The following LOC128706665 variants were observed in gnomAD, a reference collection of about 807,000 sequenced individuals.
the LOC128706665 span, among the ~76,000 whole-genome samples, chr20:10,424,838 G>T: frequency 6.6e-6 from 1 of 151,962 alleles, no homozygotes; most frequent in African/African-American, 2.4e-5. Flanking sequence ...GATCACCTGA[G>T]GTCAGGAGTT....
At chr20:10,425,959 G>T in the LOC128706665 span, among the ~76,000 whole-genome samples, 1 of 152,216 alleles carries the variant, frequency 6.6e-6, no homozygotes, top group Admixed American at 6.5e-5. Flanking sequence ...AAGTAAAATA[G>T]AGTTGATATT....
chr20:10,418,349 T>C, the LOC128706665 span, among the ~76,000 whole-genome samples: 23 of 152,196 alleles, frequency 1.5e-4, no homozygotes, highest in Non-Finnish European at 2.5e-4. Context: ...AGCCAGTTGA[T>C]GGATACTTGA....
the LOC128706665 span, among the ~76,000 whole-genome samples, chr20:10,426,345 C>T: frequency 6.6e-6 from 1 of 152,186 alleles, no homozygotes; most frequent in Non-Finnish European, 1.5e-5. Context: ...ATTTGGAGGG[C>T]GTGAGGCACA....
the LOC128706665 span, among the ~76,000 whole-genome samples, chr20:10,433,596 T>C: frequency 6.6e-6 from 1 of 152,078 alleles, no homozygotes; most frequent in Non-Finnish European, 1.5e-5. Context: ...CCTTAGAGGG[T>C]CATCCCTACA....
chr20:10,428,124 A>G, the LOC128706665 span, among the ~76,000 whole-genome samples: 1 of 152,252 alleles, frequency 6.6e-6, no homozygotes, highest in East Asian at 1.9e-4. Context: ...TAAGCAAGTG[A>G]TTAACAACTA....
At chr20:10,422,432 C>A in the LOC128706665 span, among the ~76,000 whole-genome samples, 1 of 151,882 alleles carries the variant, frequency 6.6e-6, no homozygotes, top group Non-Finnish European at 1.5e-5. Context: ...ATTGTGAAGT[C>A]CAAAGGCAAA....
chr20:10,413,717 C>A, the LOC128706665 span: 1 of 619,528 alleles, frequency 1.6e-6, no homozygotes, highest in South Asian at 2.0e-5. Context: ...ATTAGTAATT[C>A]CAAATATTTA....
At chr20:10,428,055 A>G in the LOC128706665 span, among the ~76,000 whole-genome samples, 1 of 152,246 alleles carries the variant, frequency 6.6e-6, no homozygotes, top group Admixed American at 6.5e-5. Context: ...TAAAAAATAT[A>G]CTGAAAGCAT....
chr20:10,426,599 A>G, the LOC128706665 span, among the ~76,000 whole-genome samples: 1 of 152,148 alleles, frequency 6.6e-6, no homozygotes, highest in African/African-American at 2.4e-5. Flanking sequence ...GGGTTTCACC[A>G]TGTTGCCCAG....
At chr20:10,425,354 A>T in the LOC128706665 span, among the ~76,000 whole-genome samples, 1 of 152,250 alleles carries the variant, frequency 6.6e-6, no homozygotes, top group Non-Finnish European at 1.5e-5. Context: ...GCTTTATTGC[A>T]AAATATGCTA....
chr20:10,432,147 T>C, the LOC128706665 span, among the ~76,000 whole-genome samples: 9 of 152,272 alleles, frequency 5.9e-5, no homozygotes, highest in East Asian at 1.7e-3. Context: ...TAACGACAGA[T>C]CAATCAAGGG....
the LOC128706665 span, among the ~76,000 whole-genome samples, chr20:10,428,810 C>T: frequency 5.3e-4 from 81 of 151,786 alleles, no homozygotes; most frequent in African/African-American, 1.9e-3. Flanking sequence ...CGCCATTGCA[C>T]TCCAGCCTAG....
At chr20:10,429,758 C>A in the LOC128706665 span, among the ~76,000 whole-genome samples, 1 of 152,132 alleles carries the variant, frequency 6.6e-6, no homozygotes, top group East Asian at 1.9e-4. Context: ...CAGACCCTCG[C>A]GCCCTCACAT....
the LOC128706665 span, among the ~76,000 whole-genome samples, chr20:10,427,701 A>G: frequency 2.0e-5 from 3 of 152,236 alleles, no homozygotes; most frequent in African/African-American, 4.8e-5. Context: ...TAAACAGAAC[A>G]ATCGTTTTCC....
the LOC128706665 span, among the ~76,000 whole-genome samples, chr20:10,426,459 G>A: frequency 2.0e-5 from 3 of 152,208 alleles, no homozygotes; most frequent in South Asian, 2.1e-4. Flanking sequence ...AAGGGGGAGC[G>A]TAGTGGTGTG....
chr20:10,426,851 C>A, the LOC128706665 span, among the ~76,000 whole-genome samples: 1 of 152,086 alleles, frequency 6.6e-6, no homozygotes, highest in Non-Finnish European at 1.5e-5. Context: ...AAAACACATC[C>A]GTGACCTACT....
At chr20:10,424,926 G>A in the LOC128706665 span, among the ~76,000 whole-genome samples, 5 of 151,844 alleles carry the variant, frequency 3.3e-5, no homozygotes, top group African/African-American at 9.7e-5. Flanking sequence ...GGTGGCAGGC[G>A]CCTGTAATCC....
At chr20:10,431,862 A>G in the LOC128706665 span, 1 of 152,190 alleles carries the variant, frequency 6.6e-6, no homozygotes. Context: ...TTCAGCTCTT[A>G]GTTCAGATGT....
At chr20:10,433,030 T>C in the LOC128706665 span, among the ~76,000 whole-genome samples, 5 of 152,200 alleles carry the variant, frequency 3.3e-5, no homozygotes, top group East Asian at 9.7e-4. Flanking sequence ...TTTTCTTAAA[T>C]AGAGTCTCTG....
Sources: allele counts gnomAD v4.1 joint callset (sites outside exome capture counted in the v4.1 genomes callset), GRCh38; gene constraint gnomAD v4.1.1; transcripts MANE v1.5.